The following UGGT2 variants were observed in gnomAD, a reference collection of about 807,000 sequenced individuals.
UGGT2 encodes UDP-glucose:glycoprotein glucosyltransferase 2.
In UGGT2, 180 loss-of-function variants were observed where a neutral mutation model predicts 192.1. The observed-to-expected ratio is 0.94, with a 90% confidence interval of 0.83 to 1.06. The LOEUF (loss-of-function observed/expected upper bound fraction) is 1.06. UGGT2 is among the 50% of genes least tolerant of loss of function. UGGT2 has a pLI of 0.00. For missense variants in UGGT2, 1,849 were observed against 1,795.7 expected, an observed-to-expected ratio of 1.03 and a Z score of -0.54; for synonymous variants, 580 against 591.0, an observed-to-expected ratio of 0.98 and a Z score of 0.27.
At chr13:95,997,506 G>A (rs1182496020) in intron 6 of UGGT2, among the ~76,000 whole-genome samples, 1 of 152,126 alleles carries the variant, frequency 6.6e-6, no homozygotes, top group Non-Finnish European at 1.5e-5. Context: ...AGCCAGGTAT[G>A]GTGGCAGGCG....
At position 95,810,901 on chromosome 13, in the gene UGGT2, C is replaced by T. The variant is rs554765820; in HGVS notation, c.4529-9089G>A. ...ATGTAAAATATACAAAGAACTCTTA[C>T]AAATACACAACAAAAAGAAAACACA... On this transcript the variant is annotated intron_variant, in intron 38 of 38. Coordinates refer to ENST00000376747, the MANE Select transcript of UGGT2 (RefSeq NM_020121.4). 2.6e-5 allele frequency among the ~76,000 whole-genome samples: 4 copies of T among 152,196 alleles called. 1 individual carries two copies. Among genetic ancestry groups the T allele is most frequent in the African/African-American group, 9.6e-5 (4 of 41,534 alleles).
intron 1 of UGGT2, among the ~76,000 whole-genome samples, chr13:96,032,755 C>T (rs1326992876): frequency 1.3e-5 from 2 of 152,170 alleles, no homozygotes; most frequent in South Asian, 4.1e-4. Context: ...TAAACTAATG[C>T]TTAAAATAAA....
chr13:95,983,677 C>A (rs1232511299), intron 10 of UGGT2, 127 bp downstream of exon 10: 2 of 744,396 alleles, frequency 2.7e-6, no homozygotes, highest in East Asian at 2.8e-5. Flanking sequence ...ATAGAAGAAC[C>A]CAGACTGTTT....
At chr13:96,024,191 T>C (rs2052598631) in intron 2 of UGGT2, among the ~76,000 whole-genome samples, 1 of 152,198 alleles carries the variant, frequency 6.6e-6, no homozygotes. Flanking sequence ...AATAGCCAAG[T>C]ATAATTAGTG....
chr13:95,945,404 AGGCTGTGC>A (rs796244931), intron 15 of UGGT2, among the ~76,000 whole-genome samples: 8 of 152,224 alleles, frequency 5.3e-5, no homozygotes, highest in African/African-American at 1.9e-4. Context: ...CACAACTTGC[AGGCTGTGC>A]CACAAATTTA....
intron 27 of UGGT2, among the ~76,000 whole-genome samples, chr13:95,884,205 G>A (rs375902185): frequency 4.6e-5 from 7 of 151,554 alleles, no homozygotes; most frequent in African/African-American, 1.7e-4. Context: ...CTATATTTTT[G>A]ACACTGCTCA....
intron 1 of UGGT2, among the ~76,000 whole-genome samples, chr13:96,034,369 C>A (rs2139170464): frequency 6.6e-6 from 1 of 152,338 alleles, no homozygotes; most frequent in Non-Finnish European, 1.5e-5. Context: ...AACTTCAGTT[C>A]TCCTAAGAGC....
intron 8 of UGGT2, among the ~76,000 whole-genome samples, chr13:95,987,648 T>G (rs1160503269): frequency 6.6e-6 from 1 of 151,122 alleles, no homozygotes; most frequent in Non-Finnish European, 1.5e-5. Flanking sequence ...AGACAAGAGC[T>G]TCACAAACCA....
intron 38 of UGGT2, among the ~76,000 whole-genome samples, chr13:95,809,923 T>C (rs1884497084): frequency 6.6e-6 from 1 of 152,246 alleles, no homozygotes; most frequent in Admixed American, 6.5e-5. Flanking sequence ...ATAGTAATCC[T>C]GCACCCACAT....
intron 2 of UGGT2, among the ~76,000 whole-genome samples, chr13:96,026,109 T>C (rs1472263744): frequency 6.6e-6 from 1 of 151,156 alleles, no homozygotes; most frequent in African/African-American, 2.4e-5. Context: ...ATAATGAACT[T>C]ACATACCTAA....
At chr13:95,921,349 G>A (rs1415943507) in intron 20 of UGGT2, among the ~76,000 whole-genome samples, 23 of 134,812 alleles carry the variant, frequency 1.7e-4, no homozygotes, top group East Asian at 2.1e-4. Flanking sequence ...TCTTAAAGTT[G>A]AAAAAAAAAA....
chr13:95,836,611 T>C (rs528268255), intron 37 of UGGT2, among the ~76,000 whole-genome samples: 3 of 152,198 alleles, frequency 2.0e-5, no homozygotes, highest in Non-Finnish European at 4.4e-5. Context: ...CAGTGCTATA[T>C]GGTCACCAGC....
intron 29 of UGGT2, among the ~76,000 whole-genome samples, chr13:95,870,597 T>A (rs936671377): frequency 6.6e-6 from 1 of 152,204 alleles, no homozygotes; most frequent in African/African-American, 2.4e-5. Flanking sequence ...CTCTTTCTGG[T>A]TGGTCAGTTC....
intron 20 of UGGT2, among the ~76,000 whole-genome samples, chr13:95,923,049 G>A (rs565439914): frequency 2.6e-5 from 4 of 152,028 alleles, no homozygotes; most frequent in East Asian, 1.9e-4. Context: ...TATTCAGTAC[G>A]TTCTTTTCTT....
At chr13:95,962,149 A>T (rs1206975614) in intron 12 of UGGT2, among the ~76,000 whole-genome samples, 1 of 152,202 alleles carries the variant, frequency 6.6e-6, no homozygotes, top group Non-Finnish European at 1.5e-5. Flanking sequence ...ATTCAAATAA[A>T]CAATTTAATG....
chr13:96,047,726 G>A (rs374367820), intron 1 of UGGT2, among the ~76,000 whole-genome samples: 15 of 152,010 alleles, frequency 9.9e-5, no homozygotes, highest in East Asian at 1.9e-4. Context: ...ACAAAGATCA[G>A]AAGAGACAAA....
chr13:95,947,170 A>G lies in UGGT2; in HGVS notation c.1544T>C (p.Ile515Thr). 6.3e-7 allele frequency: 1 copy of G among 1,592,968 alleles called. No homozygotes were observed. Among genetic ancestry groups the G allele is most frequent in the Non-Finnish European group, 8.5e-7 (1 of 1,173,704 alleles). The change falls in exon 15 of 39, where the codon ATT (isoleucine) becomes ACT (threonine). Residue 515 changes from isoleucine to threonine, a missense_variant and splice_region_variant. Physicochemically the swap from Ile to Thr is moderately conservative, Grantham distance 89. Coordinates refer to ENST00000376747, the MANE Select transcript of UGGT2 (RefSeq NM_020121.4). Reference sequence around the variant, plus strand: ...TGTATTAAGAATGAACACAAAACCAATTCTGGAAAAAGAAGATGAACAAGG... The same window carrying G: ...TGTATTAAGAATGAACACAAAACCAGTTCTGGAAAAAGAAGATGAACAAGG... ...VFYSHEVPLR[I>T]GFVFILNTDD...
intron 2 of UGGT2, among the ~76,000 whole-genome samples, chr13:96,029,549 G>C (rs1416782122): frequency 6.6e-6 from 1 of 152,130 alleles, no homozygotes; most frequent in African/African-American, 2.4e-5. Context: ...GCCTCCCAAA[G>C]TGCTGGGATT....
At chr13:95,847,672 C>G (rs1888610175) in intron 36 of UGGT2, among the ~76,000 whole-genome samples, 1 of 152,152 alleles carries the variant, frequency 6.6e-6, no homozygotes, top group Non-Finnish European at 1.5e-5. Context: ...ATTCCATGGT[C>G]TGGATGTACC....
Sources: allele counts gnomAD v4.1 joint callset (sites outside exome capture counted in the v4.1 genomes callset), GRCh38; gene constraint gnomAD v4.1.1; transcripts MANE v1.5; gene names NCBI Gene and HGNC (gene_info 2026-07-23, HGNC 2026-07-21).